Variants in ZSCAN5A observed in about 807,000 individuals in gnomAD.
ZSCAN5A encodes the protein zinc finger and SCAN domain-containing protein 5A.
In ZSCAN5A, 12 loss-of-function variants were observed where a neutral mutation model predicts 23.7. The observed-to-expected ratio is 0.51, with a 90% CI of 0.32 to 0.82. ZSCAN5A has a LOEUF of 0.82. Ranked by LOEUF, ZSCAN5A falls within the 40% of genes least tolerant of loss-of-function variation. The pLI is 0.03. For synonymous variants in ZSCAN5A, 257 were observed against 239.9 expected (o/e 1.07, Z -0.66); for missense variants, 597 against 617.9 (o/e 0.97, Z 0.36).
chr19:56,248,911 T>C (rs1481597876), intron 2 of ZSCAN5A, among the ~76,000 whole-genome samples: 3 of 151,848 alleles, frequency 2.0e-5, no homozygotes, highest in African/African-American at 7.3e-5. Flanking sequence ...GAGTCCATGG[T>C]GTTCATTAGG....
intron 2 of ZSCAN5A, among the ~76,000 whole-genome samples, chr19:56,233,716 CAG>C (rs1368143116): frequency 1.4e-5 from 2 of 138,714 alleles, no homozygotes; most frequent in East Asian, 5.2e-4. Context: ...GTAAACAAAA[CAG>C]ATTTTTTTTT....
rs1425531061 is a variant in ZSCAN5A at position 56,302,694 on chromosome 19, C to A, written c.-128+10589G>T. On this transcript the variant is annotated intron_variant, in intron 2 of 5. Coordinates refer to ENST00000683990, the MANE Select transcript of ZSCAN5A (RefSeq NM_001322064.3). Reference sequence around the variant, plus strand: ...CTTCCTCCTTCCCTCCTTCTCTCTCCTTCCTTCTCTTTCCTTCTTCCCTCC... The same window carrying A: ...CTTCCTCCTTCCCTCCTTCTCTCTCATTCCTTCTCTTTCCTTCTTCCCTCC... 5 of 322,808 alleles carry A rather than the reference C, an allele frequency of 1.5e-5. No individual in the cohort carries two copies. The South Asian group carries it at 5.4e-4, about 35-fold the overall frequency. 20.0% of individuals were successfully genotyped at this position (322,808 alleles called of 1,614,324 possible).
At chr19:56,248,968 A>T (rs527475455) in intron 2 of ZSCAN5A, among the ~76,000 whole-genome samples, 1 of 152,122 alleles carries the variant, frequency 6.6e-6, no homozygotes, top group African/African-American at 2.4e-5. Flanking sequence ...CAAAGGCCTC[A>T]TGAGTATCCA....
At chr19:56,367,995 T>G (rs1032762665) in intron 1 of ZSCAN5A, 5 of 152,230 alleles carry the variant, frequency 3.3e-5, no homozygotes, top group African/African-American at 1.2e-4. Flanking sequence ...TCTTAAAGCC[T>G]CCCACGAAGT....
intron 1 of ZSCAN5A, among the ~76,000 whole-genome samples, chr19:56,313,752 TTTAA>T (rs898862028): frequency 3.3e-4 from 50 of 152,306 alleles, no homozygotes; most frequent in African/African-American, 1.1e-3. Context: ...CCTTTGTACA[TTTAA>T]TTATCCCTTC....
rs1281739658 is a variant in ZSCAN5A at position 56,258,531 on chromosome 19, A to G, written c.-127-33358T>C. Among the ~76,000 whole-genome samples the G allele has an allele frequency of 5.6e-5, 8 of 142,450 alleles. No homozygotes were observed. The East Asian group carries it at 6.3e-4, about 11-fold the overall frequency. 93.5% of individuals were successfully genotyped at this position (142,450 alleles called of 152,430 possible). A position where few individuals can be genotyped will look rare whatever the true frequency, so the allele number is the denominator to read the frequency against. On this transcript the variant is annotated intron_variant, in intron 2 of 5. Coordinates refer to ENST00000683990, the MANE Select transcript of ZSCAN5A (RefSeq NM_001322064.3). Reference sequence around the variant, plus strand: ...ACACCTTCCAGTGTGGGGGGGTGACAGACACACCTTCCAGTGTGGGGAGTG... The same window carrying G: ...ACACCTTCCAGTGTGGGGGGGTGACGGACACACCTTCCAGTGTGGGGAGTG...
chr19:56,284,872 T>A (rs1007047010), intron 2 of ZSCAN5A: 2 of 263,918 alleles, frequency 7.6e-6, no homozygotes, highest in Non-Finnish European at 1.2e-5. Context: ...GCATCATGAC[T>A]GAGGCATTAT....
chr19:56,346,690 CCTCT>C (rs978773855), intron 2 of ZSCAN5A, among the ~76,000 whole-genome samples: 19 of 152,020 alleles, frequency 1.2e-4, no homozygotes, highest in South Asian at 4.2e-4. Context: ...CCAAGGCCAA[CCTCT>C]CTATTACTTT....
chr19:56,329,040 CAG>C (rs1385977203), intron 2 of ZSCAN5A, among the ~76,000 whole-genome samples: 3 of 148,102 alleles, frequency 2.0e-5, no homozygotes, highest in Non-Finnish European at 3.0e-5. Context: ...AGAAATGTAA[CAG>C]AAATTTTAAA....
At chr19:56,251,798 A>T (rs1389151492) in intron 2 of ZSCAN5A, among the ~76,000 whole-genome samples, 1 of 152,184 alleles carries the variant, frequency 6.6e-6, no homozygotes, top group Non-Finnish European at 1.5e-5. Context: ...CCTGAGCTCA[A>T]TTGATCTTCC....
At chr19:56,327,061 A>ATTT in intron 2 of ZSCAN5A, among the ~76,000 whole-genome samples, 1 of 147,810 alleles carries the variant, frequency 6.8e-6, no homozygotes, top group East Asian at 2.0e-4. Context: ...AGCTACAGTG[A>ATTT]TTTTTTTTTT....
intron 2 of ZSCAN5A, among the ~76,000 whole-genome samples, chr19:56,262,147 A>T (rs2037167675): frequency 6.6e-6 from 1 of 151,892 alleles, no homozygotes; most frequent in Admixed American, 6.6e-5. Flanking sequence ...CGTCCTGAGT[A>T]GCTGGGGTTA....
intron 2 of ZSCAN5A, among the ~76,000 whole-genome samples, chr19:56,309,451 T>C (rs1286730124): frequency 1.3e-5 from 2 of 152,210 alleles, no homozygotes; most frequent in Non-Finnish European, 2.9e-5. Flanking sequence ...TGGTGAATTT[T>C]ATGTTATGCA....
At position 56,284,785 on chromosome 19, in the gene ZSCAN5A, T is replaced by C. The variant is rs76488100; in HGVS notation, c.-128+28498A>G. 3.2e-4 allele frequency among the ~76,000 whole-genome samples: 48 copies of C among 152,212 alleles called. 2 individuals carry two copies. The East Asian group carries it at 9.1e-3, about 29-fold the overall frequency. ...CACCTCAGCCCCCAAAGTGCTAGGA[T>C]TACAGGCCTGAGCCACTGCGCCTGG... On this transcript the variant is annotated intron_variant, in intron 2 of 5. Coordinates refer to ENST00000683990, the MANE Select transcript of ZSCAN5A (RefSeq NM_001322064.3).
intron 2 of ZSCAN5A, among the ~76,000 whole-genome samples, chr19:56,253,173 G>A (rs931969885): frequency 6.6e-6 from 1 of 151,942 alleles, no homozygotes; most frequent in Non-Finnish European, 1.5e-5. Flanking sequence ...AGTTACTCTG[G>A]AGGCTGAGGT....
chr19:56,278,774 G>A (rs1299224374), intron 2 of ZSCAN5A, among the ~76,000 whole-genome samples: 1 of 152,130 alleles, frequency 6.6e-6, no homozygotes, highest in East Asian at 1.9e-4. Flanking sequence ...GGGAGCTCAG[G>A]GAGCTGTTGG....
intron 2 of ZSCAN5A, among the ~76,000 whole-genome samples, chr19:56,326,319 G>A (rs1187724980): frequency 6.6e-6 from 1 of 151,890 alleles, no homozygotes; most frequent in Non-Finnish European, 1.5e-5. Context: ...GTGTGTGTGT[G>A]TGTGTGTGTG....
chr19:56,289,886 T>C (rs1026917082), intron 2 of ZSCAN5A, among the ~76,000 whole-genome samples: 21 of 152,214 alleles, frequency 1.4e-4, no homozygotes, highest in African/African-American at 4.3e-4. Flanking sequence ...AGTGCTGGGA[T>C]TACAGGCAGG....
intron 2 of ZSCAN5A, among the ~76,000 whole-genome samples, chr19:56,303,691 C>T (rs2040494024): frequency 6.6e-6 from 1 of 152,072 alleles, no homozygotes; most frequent in South Asian, 2.1e-4. Context: ...CCCCAGGGCT[C>T]CCATGTTTGG....
Sources: allele counts gnomAD v4.1 joint callset (sites outside exome capture counted in the v4.1 genomes callset), GRCh38; gene constraint gnomAD v4.1.1; transcripts MANE v1.5; gene names NCBI Gene and HGNC (gene_info 2026-07-23, HGNC 2026-07-21).